Variants in CNTN4 observed in about 807,000 individuals in gnomAD.
CNTN4 encodes the protein contactin-4.
CNTN4 carries 77 observed loss-of-function variants against 122.5 expected under a neutral mutation model. The observed-to-expected ratio is 0.63, with a 90% CI of 0.52 to 0.76. CNTN4 has a LOEUF of 0.76. Ranked by LOEUF, CNTN4 falls within the 30% of genes least tolerant of loss-of-function variation. CNTN4 has a pLI of 0.00. For synonymous variants in CNTN4, 512 were observed against 447.0 expected (o/e 1.15, Z -1.83); for missense variants, 1,256 against 1,259.1 (o/e 1.00, Z 0.04).
At position 2,180,228 on chromosome 3, in the gene CNTN4, A is replaced by G. The variant is rs146171423; in HGVS notation, c.-145+79589A>G. Among the ~76,000 whole-genome samples, 592 of 152,128 alleles carry G rather than the reference A, an allele frequency of 3.9e-3. 6 individuals carry two copies. Among genetic ancestry groups the G allele is most frequent in the African/African-American group, 0.014 (563 of 41,550 alleles). ...CTTTTTAAATTAAAATGTTTTCTAG[A>G]AGGATAGGGATGGAACTAACATTAA... is the stretch of plus-strand genomic sequence containing the variant. On this transcript the variant is annotated intron_variant, in intron 2 of 24. Transcript: ENST00000418658.
chr3:2,774,972 C>T (rs1031034233), intron 6 of CNTN4, among the ~76,000 whole-genome samples: 4 of 152,192 alleles, frequency 2.6e-5, no homozygotes, highest in Non-Finnish European at 5.9e-5. Flanking sequence ...GCACGGACAG[C>T]GATTTCAGCT....
intron 3 of CNTN4, among the ~76,000 whole-genome samples, chr3:2,419,676 CAT>C (rs1282616840): frequency 3.9e-5 from 6 of 152,090 alleles, no homozygotes; most frequent in African/African-American, 1.2e-4. Flanking sequence ...ACAAACATAA[CAT>C]AGTGTCATGC....
intron 2 of CNTN4, among the ~76,000 whole-genome samples, chr3:2,323,702 C>T (rs915200274): frequency 3.9e-5 from 6 of 152,166 alleles, no homozygotes; most frequent in Admixed American, 2.6e-4. Flanking sequence ...GCAACCCTGA[C>T]TTGAATAAAC....
chr3:2,193,492 G>A (rs1027388419), intron 2 of CNTN4, among the ~76,000 whole-genome samples: 3 of 152,206 alleles, frequency 2.0e-5, no homozygotes, highest in Non-Finnish European at 4.4e-5. Flanking sequence ...GGATACTGTA[G>A]TAAAGAGATG....
chr3:2,917,315 G>A (rs111334280), intron 12 of CNTN4, among the ~76,000 whole-genome samples: 21,474 of 148,036 alleles, frequency 0.15, 1,865 homozygotes, highest in Non-Finnish European at 0.19. Context: ...GAGGCAGAGG[G>A]GGAGATGGTG....
chr3:2,672,483 A>T (rs536219604), intron 4 of CNTN4, among the ~76,000 whole-genome samples: 3 of 152,242 alleles, frequency 2.0e-5, no homozygotes, highest in African/African-American at 7.2e-5. Flanking sequence ...TTAGGGTGGG[A>T]GTGACCCGAT....
chr3:3,047,540 C>G (rs13062608), intron 23 of CNTN4, among the ~76,000 whole-genome samples: 2 of 144,128 alleles, frequency 1.4e-5, no homozygotes, highest in Admixed American at 7.0e-5. Flanking sequence ...GGGTACATAA[C>G]GAAATGAAGG....
chr3:2,974,112 T>C (rs890434778), intron 13 of CNTN4, among the ~76,000 whole-genome samples: 1 of 152,208 alleles, frequency 6.6e-6, no homozygotes, highest in African/African-American at 2.4e-5. Flanking sequence ...GAGTAATCCC[T>C]CTTTTACTGA....
chr3:2,894,601 C>A (rs1203761584), intron 10 of CNTN4, among the ~76,000 whole-genome samples: 1 of 151,928 alleles, frequency 6.6e-6, no homozygotes, highest in African/African-American at 2.4e-5. Flanking sequence ...TTATTGGTTG[C>A]ATTTGGGACT....
At chr3:2,290,223 A>G (rs1004850209) in intron 2 of CNTN4, among the ~76,000 whole-genome samples, 1 of 152,210 alleles carries the variant, frequency 6.6e-6, no homozygotes, top group Non-Finnish European at 1.5e-5. Context: ...AAGCGTTAGA[A>G]TTGTCCTGGC....
intron 4 of CNTN4, among the ~76,000 whole-genome samples, chr3:2,670,059 T>G (rs2084412264): frequency 6.6e-6 from 1 of 152,234 alleles, no homozygotes. Context: ...CTGAGAAGAA[T>G]GTATATTCTG....
At chr3:2,847,470 A>G (rs111974607) in intron 7 of CNTN4, among the ~76,000 whole-genome samples, 3 of 152,352 alleles carry the variant, frequency 2.0e-5, no homozygotes, top group African/African-American at 4.8e-5. Flanking sequence ...TGCTAAAATT[A>G]TATGTATCTT....
chr3:2,309,118 C>T (rs923876672), intron 2 of CNTN4, among the ~76,000 whole-genome samples: 1 of 151,884 alleles, frequency 6.6e-6, no homozygotes, highest in Non-Finnish European at 1.5e-5. Flanking sequence ...ATCAGTTTCC[C>T]TTCCTCTATT....
intron 4 of CNTN4, among the ~76,000 whole-genome samples, chr3:2,627,021 A>G (rs1576270353): frequency 6.6e-6 from 1 of 152,298 alleles, no homozygotes; most frequent in Non-Finnish European, 1.5e-5. Context: ...TCTTCTTTGT[A>G]TATAATTTGA....
At chr3:2,481,091 T>C (rs11711256) in intron 3 of CNTN4, among the ~76,000 whole-genome samples, 2 of 99,492 alleles carry the variant, frequency 2.0e-5, no homozygotes, top group Non-Finnish European at 4.4e-5. Context: ...CTTTCTCTCT[T>C]TCTTTCTTTC....
intron 3 of CNTN4, among the ~76,000 whole-genome samples, chr3:2,391,062 A>G (rs1272796170): frequency 6.6e-6 from 1 of 152,114 alleles, no homozygotes; most frequent in Non-Finnish European, 1.5e-5. Flanking sequence ...GTAATGGGGA[A>G]CCAGATTTAG....
intron 4 of CNTN4, among the ~76,000 whole-genome samples, chr3:2,710,793 A>T (rs2087099156): frequency 6.6e-6 from 1 of 152,182 alleles, no homozygotes; most frequent in Non-Finnish European, 1.5e-5. Context: ...ATGCAAAGTA[A>T]ACACACAGAA....
chr3:2,992,506 T>C (rs1333045539), intron 14 of CNTN4, among the ~76,000 whole-genome samples: 1 of 152,172 alleles, frequency 6.6e-6, no homozygotes, highest in Non-Finnish European at 1.5e-5. Context: ...CTAAATCATG[T>C]TTATCTCTAC....
chr3:2,384,220 G>A (rs1000163080), intron 3 of CNTN4, among the ~76,000 whole-genome samples: 1 of 152,074 alleles, frequency 6.6e-6, no homozygotes, highest in East Asian at 1.9e-4. Context: ...ATATGTTGTT[G>A]TACAGGAACA....
Sources: gnomAD v4.1 joint callset for allele counts (sites outside exome capture counted in the v4.1 genomes callset) on GRCh38, gnomAD v4.1.1 for gene constraint, MANE v1.5 for transcripts, NCBI Gene and HGNC (gene_info 2026-07-23, HGNC 2026-07-21) for gene names.